The following EEF2 variants were observed in gnomAD, a reference collection of about 807,000 sequenced individuals.
The protein encoded by EEF2 is eukaryotic translation elongation factor 2, also known as elongation factor 2.
EEF2 carries 21 observed loss-of-function variants against 85.3 expected under a neutral mutation model. The ratio of observed to expected loss-of-function variants is 0.25; its 90% CI spans 0.17 to 0.35. EEF2 has a LOEUF of 0.35. Among genes scored for constraint, EEF2 ranks in the 10% least tolerant of loss-of-function variants. EEF2 has a pLI of 1.00. For missense variants in EEF2, 825 were observed against 1,225.3 expected (o/e 0.67, Z 4.88); for synonymous variants, 723 against 508.8 (o/e 1.42, Z -5.67).
Position 3,982,403 on chromosome 19 carries a change from C to A in EEF2, c.634G>T (p.Val212Leu). The A allele has an allele frequency of 6.2e-7, 1 of 1,614,126 alleles. No homozygotes were observed. Among genetic ancestry groups the A allele is most frequent in the Non-Finnish European group, 8.5e-7 (1 of 1,180,030 alleles). Residue 212 changes from valine to leucine, a missense_variant, in exon 5 of 15, where the codon GTG (valine) becomes TTG (leucine). Physicochemically the swap from Val to Leu is conservative, Grantham distance 32. Coordinates refer to ENST00000309311, the MANE Select transcript of EEF2 (RefSeq NM_001961.4). ...CCGTGGAGGCCAGACCCAAAGCCCA[C>A]GGTACCGAGGACAGGATCGATCTGG... ...NIMIDPVLGT[V>L]GFGSGLHGWA...
rs752803565 is a variant in EEF2, at chr19:3,976,761, CGA to C, written c.2384-16_2384-15del. On this transcript the variant is annotated splice_polypyrimidine_tract_variant and intron_variant, in intron 14 of 14. Transcript: ENST00000309311. ...CAGCGGTGAAGCCTGCAGAGGGAAG[CGA>C]GAGGCTCACTGGGCCATCGAGAAGG... 9 of 1,539,292 alleles carry C rather than the reference CGA, an allele frequency of 5.8e-6. No homozygotes were observed. In the African/African-American group the frequency reaches 1.2e-4, roughly 21 times the overall value.
At position 3,976,667 on chromosome 19, in the gene EEF2, C is replaced by T; in HGVS notation, c.2464G>A (p.Gly822Arg). ...CVFDHWQILP[G>R]DPFDNSSRPS... is the part of the protein sequence containing the mutation. ...CGGCTGCTGTTGTCGAAGGGGTCTCCGGGCAGGATCTGCCAGTGGTCAAAC... is the reference window on the plus strand; with the variant it reads ...CGGCTGCTGTTGTCGAAGGGGTCTCTGGGCAGGATCTGCCAGTGGTCAAAC... Residue 822 changes from glycine (G) to arginine (R), a missense_variant, in exon 15 of 15, where the codon GGA becomes AGA. Transcript: ENST00000309311. The T allele has an allele frequency of 1.2e-6, 2 of 1,608,750 alleles. No individual in the cohort carries two copies. Among genetic ancestry groups the T allele is most frequent in the Admixed American group, 1.7e-5 (1 of 59,510 alleles).
intron 9 of EEF2, 86 bp downstream of exon 9, chr19:3,980,428 T>C (rs1035585650): frequency 1.6e-5 from 23 of 1,465,336 alleles, no homozygotes; most frequent in Non-Finnish European, 2.1e-5. Context: ...TCCTTACTTC[T>C]AGCTCCCGAC....
In EEF2 at chr19:3,979,340, T is replaced by C. The variant is rs773849734; in HGVS notation, c.1702A>G (p.Ile568Val). 115 of 1,613,796 alleles carry C rather than the reference T, an allele frequency of 7.1e-5. No individual in the cohort carries two copies. Among genetic ancestry groups the C allele is most frequent in the Middle Eastern group, 1.6e-4 (1 of 6,084 alleles). ...LKDLEEDHAC[I>V]PIKKSDPVVS... is the part of the protein sequence containing the mutation. The stretch of plus-strand genomic sequence containing the variant: ...CACTGGCGCCTCACCTTGATGGGGA[T>C]GCAGGCGTGGTCCTCCTCCAGGTCC... Residue 568 changes from isoleucine to valine, a missense_variant, in exon 11 of 15, where the codon ATC becomes GTC. Ile to Val is a conservative substitution (Grantham distance 29). Coordinates refer to ENST00000309311, the MANE Select transcript of EEF2 (RefSeq NM_001961.4).
Position 3,982,308 on chromosome 19 carries a change from C to T in EEF2, c.729G>A (p.Gln243=), listed in dbSNP as rs2039760837. 1 of 1,614,220 alleles carries T rather than the reference C, an allele frequency of 6.2e-7. No individual in the cohort carries two copies. The highest frequency in any genetic ancestry group is 8.5e-7 in the Non-Finnish European group (1 of 1,180,040). Residue 243 remains glutamine (Q), a synonymous_variant, in exon 5 of 15, where the codon CAG becomes CAA. Coordinates refer to ENST00000309311, the MANE Select transcript of EEF2 (RefSeq NM_001961.4). ...TCTTGGCCCGCTCGGCAGGCCCCAA[C>T]TGGCCCTCCCCCTTGGCGGCGAACT... ...VAKFAAKGEG[Q]LGPAERAKKV... is the part of the protein sequence containing the mutation.
Position 3,983,091 on chromosome 19 carries a change from A to AG in EEF2, c.400+18dup, listed in dbSNP as rs769654006. 1.2e-6 allele frequency: 2 copies of AG among 1,612,456 alleles called. No homozygotes were observed. The highest frequency in any genetic ancestry group is 8.5e-7 in the Non-Finnish European group (1 of 1,178,722). On this transcript the variant is annotated intron_variant, in intron 3 of 14. Transcript: ENST00000309311. Reference sequence around the variant, plus strand: ...GGCCCCCGGTTCCAGGCCGTGCCTCAGGGGGACCCACTGCTTACCTGACAC... The same window carrying AG: ...GGCCCCCGGTTCCAGGCCGTGCCTCAGGGGGGACCCACTGCTTACCTGACAC...
chr19:3,981,925 G>A (rs370853763), intron 6 of EEF2, 22 bp downstream of exon 6: 649 of 1,608,000 alleles, frequency 4.0e-4, no homozygotes, highest in Non-Finnish European at 5.1e-4. Context: ...TCGGCGGGGT[G>A]CCTGGCGCAG....
rs1599196344 is a variant in EEF2, at chr19:3,982,229, T to C, written c.791+17A>G. ...CCCAGGTGTCAGGAATCCCCCACCA[T>C]ATCCCGCGGGGCTCACCTGTCACCC... On this transcript the variant is annotated intron_variant, in intron 5 of 14. Transcript: ENST00000309311. The C allele has an allele frequency of 5.6e-6, 9 of 1,612,906 alleles. No homozygotes were observed. The highest frequency in any genetic ancestry group is 7.6e-6 in the Non-Finnish European group (9 of 1,179,076).
At chr19:3,981,543 G>T in intron 6 of EEF2, 91 bp from the exon 7 acceptor site, 3 of 1,170,734 alleles carry the variant, frequency 2.6e-6, no homozygotes, top group Non-Finnish European at 3.8e-6. Flanking sequence ...TCAGGTCAGC[G>T]CAGGGGGACG....
rs756206524 is a variant in EEF2 at position 3,980,073 on chromosome 19, G to A, written c.1347-7C>T. The A allele has an allele frequency of 9.3e-6, 15 of 1,609,772 alleles. No homozygotes were observed. The highest frequency in any genetic ancestry group is 5.0e-5 in the Admixed American group (3 of 59,972). On this transcript the variant is annotated splice_region_variant and splice_polypyrimidine_tract_variant and intron_variant, in intron 9 of 14. Coordinates refer to ENST00000309311, the MANE Select transcript of EEF2 (RefSeq NM_001961.4). The stretch of plus-strand genomic sequence containing the variant: ...GCCCATCATCAAGATTGTTCTGGAA[G>A]AAGCAGAAGGCGGCAGCAGGCCGCA...
At position 3,976,323 on chromosome 19, in the gene EEF2, T is replaced by G. The variant is rs3170368; in HGVS notation, c.*231A>C. ...CGCCTCCCCCTCCCCGACCGGCCCA[T>G]TAAGTCCCTACTAAGAGGGCGTGTC... On this transcript the variant is annotated 3_prime_UTR_variant, in exon 15 of 15. Coordinates refer to ENST00000309311, the MANE Select transcript of EEF2 (RefSeq NM_001961.4). 0.19 allele frequency: 52,421 copies of G among 278,106 alleles called. 9,263 individuals are homozygous for G. Among genetic ancestry groups the G allele is most frequent in the African/African-American group, 0.58 (25,192 of 43,332 alleles). The allele number at this position is 278,106 out of a possible 1,614,324, so 17.2% of individuals were successfully genotyped here.
chr19:3,981,542 C>T (rs1160770416), intron 6 of EEF2, 90 bp from the exon 7 acceptor site: 8 of 1,171,638 alleles, frequency 6.8e-6, no homozygotes, highest in African/African-American at 1.5e-5. Context: ...CTCAGGTCAG[C>T]GCAGGGGGAC....
At chr19:3,982,662 A>G in intron 4 of EEF2, 145 bp downstream of exon 4, 1 of 1,130,694 alleles carries the variant, frequency 8.8e-7, no homozygotes, top group African/African-American at 1.5e-5. Context: ...GTCAAGTCGG[A>G]TGAAAACATT....
chr19:3,978,852 T>G (rs2039709375), intron 11 of EEF2, among the ~76,000 whole-genome samples: 3 of 127,196 alleles, frequency 2.4e-5, no homozygotes, highest in African/African-American at 5.9e-5. Context: ...CCAGGCATGG[T>G]GGCTCACACC....
Position 3,977,088 on chromosome 19 carries a change from C to G in EEF2, c.2383+127G>C, listed in dbSNP as rs867159794. On this transcript the variant is annotated intron_variant, in intron 14 of 14. Transcript: ENST00000309311. The surrounding 1 kb of genome is among the most constrained non-coding windows in gnomAD (Gnocchi z 5.4). ...GGTCCACAAGCTGTCAGAAACTGGA[C>G]CACCTGCTCCATCCATCACCTGCTC... 7.3e-7 allele frequency: 1 copy of G among 1,372,782 alleles called. No individual in the cohort carries two copies. The allele number at this position is 1,372,782 out of a possible 1,614,324, so 85.0% of individuals were successfully genotyped here.
intron 1 of EEF2, 103 bp from the exon 2 acceptor site, chr19:3,984,453 G>C (rs551721415): frequency 2.6e-5 from 34 of 1,327,556 alleles, no homozygotes; most frequent in Non-Finnish European, 3.4e-5. Context: ...GGCCAGGAGG[G>C]GGTTGGTGCT....
In EEF2 at chr19:3,982,608, T is replaced by C. The variant is rs538235568; in HGVS notation, c.613-184A>G. 29 of 1,042,180 alleles carry C rather than the reference T, an allele frequency of 2.8e-5. No individual in the cohort carries two copies. The South Asian group carries it at 3.6e-4, about 13-fold the overall frequency. 64.6% of individuals were successfully genotyped at this position (1,042,180 alleles called of 1,614,324 possible). On this transcript the variant is annotated intron_variant, in intron 4 of 14. Transcript: ENST00000309311. ...GCCCCTCCACCACCCAGGGCAGCGTTCCCTGAGCTCGTCTCTTCCAGCTGC... is the reference window on the plus strand; with the variant it reads ...GCCCCTCCACCACCCAGGGCAGCGTCCCCTGAGCTCGTCTCTTCCAGCTGC...
rs772529820 is a variant in EEF2 at position 3,977,983 on chromosome 19, G to A, written c.1903C>T (p.Leu635=). 1.5e-5 allele frequency: 24 copies of A among 1,612,878 alleles called. No homozygotes were observed. In the East Asian group the frequency reaches 4.9e-4, roughly 33 times the overall value. The change falls in exon 12 of 15, where the codon CTG becomes TTG. Residue 635 remains leucine, a synonymous_variant. Coordinates refer to ENST00000309311, the MANE Select transcript of EEF2 (RefSeq NM_001961.4). This position sits in a 1 kb window ranked among gnomAD's most constrained non-coding sequence, Gnocchi z 5.4. ...RQELKQRARY[L]AEKYEWDVAE... is the part of the protein sequence containing the mutation. ...ACGTCCCACTCGTACTTCTCGGCCAGGTAGCGCGCCCGCTGCTTGAGCTCC... is the reference window on the plus strand; with the variant it reads ...ACGTCCCACTCGTACTTCTCGGCCAAGTAGCGCGCCCGCTGCTTGAGCTCC...
intron 10 of EEF2, among the ~76,000 whole-genome samples, 156 bp downstream of exon 10, chr19:3,979,652 G>A (rs925320301): frequency 1.3e-5 from 2 of 152,236 alleles, no homozygotes; most frequent in Non-Finnish European, 2.9e-5. Flanking sequence ...TGGCTGCCTG[G>A]GCAGGAGTCT....
Sources: allele counts gnomAD v4.1 joint callset (sites outside exome capture counted in the v4.1 genomes callset), GRCh38; gene constraint gnomAD v4.1.1; non-coding constraint Gnocchi (gnomAD v3.1); transcripts MANE v1.5; gene names NCBI Gene and HGNC (gene_info 2026-07-23, HGNC 2026-07-21).